Variants in PCSK6 observed in about 807,000 individuals in gnomAD.
PCSK6 encodes proprotein convertase subtilisin/kexin type 6, also known as paired basic amino acid cleaving enzyme 4.
Under a neutral mutation model 123.3 loss-of-function variants are expected in PCSK6, and 85 were observed. That is an observed-to-expected ratio of 0.69 (90% confidence interval 0.58 to 0.83). The LOEUF is 0.83. Ranked by LOEUF, PCSK6 falls within the 40% of genes least tolerant of loss-of-function variation. The pLI, the probability that PCSK6 is intolerant of heterozygous loss-of-function variation, is 0.00. For synonymous variants in PCSK6, 508 were observed against 516.0 expected, an observed-to-expected ratio of 0.98 and a Z score of 0.21; for missense variants, 1,191 against 1,282.3, an observed-to-expected ratio of 0.93 and a Z score of 1.09.
chr15:101,331,820 C>A (rs371860169), intron 14 of PCSK6, 32 bp downstream of exon 14: 1 of 1,610,016 alleles, frequency 6.2e-7, no homozygotes, highest in South Asian at 1.1e-5. Flanking sequence ...CTCGTGGAAG[C>A]TGGCCGTCTC....
chr15:101,321,039 A>G (rs1001449572), intron 18 of PCSK6, among the ~76,000 whole-genome samples: 17 of 152,280 alleles, frequency 1.1e-4, no homozygotes, highest in African/African-American at 4.1e-4. Flanking sequence ...CTCTGCTGGG[A>G]AACAGGCAGG....
In PCSK6 at chr15:101,339,913, ATATAT is replaced by A. The variant is rs1251012822; in HGVS notation, c.1859-7887_1859-7883del. On this transcript the variant is annotated intron_variant, in intron 13 of 21. Transcript: ENST00000611716. ...TGACAGAGCAAGACCCTTTCTCAAT[ATATAT>A]ATATATATATATATAAAATTACACA... Among the ~76,000 whole-genome samples the A allele has an allele frequency of 2.1e-4, 14 of 67,026 alleles. No individual in the cohort carries two copies. The African/African-American group carries it at 2.2e-3, about 11-fold the overall frequency. The allele number at this position is 67,026 out of a possible 152,430, so 44.0% of individuals were successfully genotyped here. A position where few individuals can be genotyped will look rare whatever the true frequency, so the allele number is the denominator to read the frequency against.
At chr15:101,407,661 C>G (rs746778460) in intron 6 of PCSK6, among the ~76,000 whole-genome samples, 2 of 152,316 alleles carry the variant, frequency 1.3e-5, no homozygotes, top group East Asian at 3.9e-4. Context: ...CTTGCCTTCT[C>G]TGCCTCACCC....
intron 6 of PCSK6, among the ~76,000 whole-genome samples, chr15:101,409,458 G>A (rs796343154): frequency 1.5e-4 from 23 of 152,126 alleles, no homozygotes; most frequent in African/African-American, 4.6e-4. Context: ...GGTGGCGGGC[G>A]CCTGTAGTCC....
intron 1 of PCSK6, among the ~76,000 whole-genome samples, chr15:101,484,883 G>T (rs2057982916): frequency 6.6e-6 from 1 of 152,098 alleles, no homozygotes; most frequent in Non-Finnish European, 1.5e-5. Flanking sequence ...CTTCAGGGAA[G>T]GTGGGTTTTC....
At chr15:101,411,785 C>T (rs1052179301) in intron 6 of PCSK6, among the ~76,000 whole-genome samples, 25 of 152,174 alleles carry the variant, frequency 1.6e-4, no homozygotes, top group African/African-American at 4.6e-4. Flanking sequence ...ATGAGGTGCC[C>T]GACCTCACTG....
intron 13 of PCSK6, among the ~76,000 whole-genome samples, chr15:101,338,277 T>G (rs1360670000): frequency 1.3e-5 from 2 of 152,190 alleles, no homozygotes; most frequent in Non-Finnish European, 2.9e-5. Flanking sequence ...GATAACAGAC[T>G]AAGGCAGAGA....
chr15:101,333,144 T>G (rs752625321), intron 13 of PCSK6, among the ~76,000 whole-genome samples: 14 of 150,632 alleles, frequency 9.3e-5, no homozygotes, highest in East Asian at 1.9e-4. Flanking sequence ...GGTTTAAGCT[T>G]CTTCTTCTTC....
intron 5 of PCSK6, 29 bp from the exon 6 acceptor site, chr15:101,428,009 A>G (rs2643347): frequency 6.5e-7 from 1 of 1,537,652 alleles, no homozygotes; most frequent in Non-Finnish European, 8.8e-7. Flanking sequence ...CCAAGTGAGG[A>G]CGCAGCCCAG....
chr15:101,409,813 C>T (rs955694964), intron 6 of PCSK6, among the ~76,000 whole-genome samples: 3 of 152,226 alleles, frequency 2.0e-5, no homozygotes, highest in African/African-American at 7.2e-5. Context: ...GCCAGCACAC[C>T]TGGCTCCCCA....
At chr15:101,444,353 C>T (rs1301129317) in intron 1 of PCSK6, among the ~76,000 whole-genome samples, 4 of 152,214 alleles carry the variant, frequency 2.6e-5, no homozygotes, top group Non-Finnish European at 2.9e-5. Flanking sequence ...CACGTCTGTC[C>T]GGGCTCGAGC....
intron 15 of PCSK6, among the ~76,000 whole-genome samples, chr15:101,327,344 G>C (rs1216938794): frequency 6.6e-6 from 1 of 152,184 alleles, no homozygotes; most frequent in Non-Finnish European, 1.5e-5. Flanking sequence ...CAGTGTTAAA[G>C]GTCTACCCGT....
chr15:101,384,735 A>C (rs8032885), intron 9 of PCSK6, among the ~76,000 whole-genome samples: 1 of 152,164 alleles, frequency 6.6e-6, no homozygotes, highest in Non-Finnish European at 1.5e-5. Flanking sequence ...AATACAAGAC[A>C]CTTAACATAA....
At chr15:101,315,286 T>C (rs1050282133) in intron 19 of PCSK6, among the ~76,000 whole-genome samples, 2 of 152,230 alleles carry the variant, frequency 1.3e-5, no homozygotes, top group African/African-American at 2.4e-5. Flanking sequence ...GTGATGTGTA[T>C]TTTACCGCAA....
At chr15:101,375,350 A>G (rs2041704310) in intron 11 of PCSK6, among the ~76,000 whole-genome samples, 2 of 152,208 alleles carry the variant, frequency 1.3e-5, no homozygotes, top group African/African-American at 4.8e-5. Context: ...AACTTACACA[A>G]TGCCGTCCAC....
At chr15:101,367,657 A>G (rs1372400857) in intron 12 of PCSK6, among the ~76,000 whole-genome samples, 1 of 150,674 alleles carries the variant, frequency 6.6e-6, no homozygotes, top group African/African-American at 2.4e-5. Flanking sequence ...TTAGTGAAGA[A>G]CCTGGCAAAC....
intron 13 of PCSK6, chr15:101,346,780 G>A: frequency 8.1e-7 from 1 of 1,230,528 alleles, no homozygotes; most frequent in Non-Finnish European, 1.0e-6. Context: ...TAGCTATGAG[G>A]TGAGACAAAG....
chr15:101,386,531 C>T (rs1487997228), intron 9 of PCSK6, among the ~76,000 whole-genome samples: 1 of 152,216 alleles, frequency 6.6e-6, no homozygotes, highest in Admixed American at 6.5e-5. Flanking sequence ...CCTTCTGCAG[C>T]CCCTGGCAGG....
At chr15:101,488,624 C>G (rs2058078029) in intron 1 of PCSK6, among the ~76,000 whole-genome samples, 1 of 152,132 alleles carries the variant, frequency 6.6e-6, no homozygotes, top group Non-Finnish European at 1.5e-5. Flanking sequence ...AGGAGCTTGT[C>G]AGGGGAGCGA....
Sources: gnomAD v4.1 joint callset for allele counts (sites outside exome capture counted in the v4.1 genomes callset) on GRCh38, gnomAD v4.1.1 for gene constraint, MANE v1.5 for transcripts, NCBI Gene and HGNC (gene_info 2026-07-23, HGNC 2026-07-21) for gene names.